The following SDC3 variants were observed in gnomAD, a reference collection of about 807,000 sequenced individuals.
SDC3 encodes the protein syndecan 3.
A neutral mutation model predicts 24.4 loss-of-function variants in SDC3; 13 were observed. That is an observed-to-expected ratio of 0.53 (90% CI 0.35 to 0.85). The LOEUF (loss-of-function observed/expected upper bound fraction) is 0.85. Ranked by LOEUF, SDC3 falls within the 40% of genes least tolerant of loss-of-function variation. SDC3 has a pLI of 0.01. For missense variants in SDC3, 571 were observed against 584.5 expected (o/e 0.98, Z 0.24); for synonymous variants, 295 against 260.9 (o/e 1.13, Z -1.26).
intron 2 of SDC3, 92 bp downstream of exon 2, chr1:30,878,531 A>G: frequency 9.9e-7 from 1 of 1,014,846 alleles, no homozygotes; most frequent in Non-Finnish European, 1.5e-6. Flanking sequence ...CCCCTGCCTC[A>G]CTGAAGCAAG....
intron 1 of SDC3, among the ~76,000 whole-genome samples, chr1:30,879,814 G>A (rs1166534899): frequency 1.3e-5 from 2 of 152,170 alleles, no homozygotes; most frequent in Non-Finnish European, 2.9e-5. Context: ...AAACAAGGGA[G>A]TCCCCAAGAT....
rs1464801933 is a variant in SDC3, at chr1:30,872,770, G to A, written c.*441C>T. 5.2e-6 allele frequency: 1 copy of A among 191,032 alleles called. No homozygotes were observed. Among genetic ancestry groups the A allele is most frequent in the Non-Finnish European group, 1.1e-5 (1 of 91,592 alleles). The allele number at this position is 191,032 out of a possible 1,614,324, so 11.8% of individuals were successfully genotyped here. A position where few individuals can be genotyped will look rare whatever the true frequency, so the allele number is the denominator to read the frequency against. ...GGTTGCAGTGTCTAGATGATTTCAAGGGCTGTGTTTACCAAATGTTTGTCC... is the reference window on the plus strand; with the variant it reads ...GGTTGCAGTGTCTAGATGATTTCAAAGGCTGTGTTTACCAAATGTTTGTCC... On this transcript the variant is annotated 3_prime_UTR_variant, in exon 5 of 5. Coordinates refer to ENST00000339394, the MANE Select transcript of SDC3 (RefSeq NM_014654.4).
intron 1 of SDC3, among the ~76,000 whole-genome samples, chr1:30,896,838 C>T (rs971502025): frequency 6.6e-6 from 1 of 152,160 alleles, no homozygotes; most frequent in Non-Finnish European, 1.5e-5. Context: ...TGGCATGGGC[C>T]TGTAGTTCCA....
chr1:30,908,599 G>T lies in SDC3; in HGVS notation c.-13C>A. 1.0e-6 allele frequency: 1 copy of T among 969,402 alleles called. No homozygotes were observed. Among genetic ancestry groups the T allele is most frequent in the South Asian group, 4.6e-5 (1 of 21,696 alleles). 60.1% of individuals were successfully genotyped at this position (969,402 alleles called of 1,614,324 possible). ...GCCCCGGCTTCATGGCGGCGGCGCG[G>T]GCGCGGGCGGCGGGCGGCGGGCGGG... On this transcript the variant is annotated 5_prime_UTR_variant, in exon 1 of 5. Coordinates refer to ENST00000339394, the MANE Select transcript of SDC3 (RefSeq NM_014654.4).
rs112767671 is a variant in SDC3 at position 30,879,248 on chromosome 1, C to A, written c.139-508G>T. Among the ~76,000 whole-genome samples the A allele has an allele frequency of 5.3e-3, 809 of 152,258 alleles. 6 individuals are homozygous for A. The highest frequency in any genetic ancestry group is 0.014 in the African/African-American group (583 of 41,538). ...CCTGTCTTCATATCCCCAGCCTCAA[C>A]CACCTGCTCCAGAGCCCTGCCCAGC... On this transcript the variant is annotated intron_variant, in intron 1 of 4. Transcript: ENST00000339394.
chr1:30,882,876 A>T (rs1557518041), intron 1 of SDC3, among the ~76,000 whole-genome samples: 1 of 152,034 alleles, frequency 6.6e-6, no homozygotes, highest in Non-Finnish European at 1.5e-5. Context: ...TAATCTCAGC[A>T]CCTCAGTTTT....
At chr1:30,893,119 T>C (rs1639930002) in intron 1 of SDC3, among the ~76,000 whole-genome samples, 1 of 151,896 alleles carries the variant, frequency 6.6e-6, no homozygotes, top group South Asian at 2.1e-4. Flanking sequence ...CCTGTAAACA[T>C]GGAAAGGCAA....
chr1:30,894,561 AGAGT>A (rs1273776366), intron 1 of SDC3, among the ~76,000 whole-genome samples: 6 of 113,808 alleles, frequency 5.3e-5, no homozygotes, highest in African/African-American at 2.2e-4. Context: ...TGTGTGGGTG[AGAGT>A]GTGTGGGTGT....
intron 1 of SDC3, among the ~76,000 whole-genome samples, chr1:30,891,850 C>CAAAA (rs11433428): frequency 1.7e-5 from 2 of 118,832 alleles, no homozygotes; most frequent in Non-Finnish European, 3.4e-5. Context: ...GAGACGCCGT[C>CAAAA]AAAAAAAAAA....
At chr1:30,883,287 C>G (rs184716874) in intron 1 of SDC3, among the ~76,000 whole-genome samples, 16 of 152,316 alleles carry the variant, frequency 1.1e-4, no homozygotes, top group African/African-American at 3.8e-4. Context: ...AGGAGCCCGG[C>G]ACCCCTGTGC....
rs11338317 is a variant in SDC3, at chr1:30,869,536, CAAAA to C, written c.*3671_*3674del. On this transcript the variant is annotated 3_prime_UTR_variant, in exon 5 of 5. Transcript: ENST00000339394. Reference sequence around the variant, plus strand: ...AGGAAGTGTTAAAAAAACAAACAAACAAAAAAAAAAAAAAAAAAAAAAAAACAAA... The same window carrying C: ...AGGAAGTGTTAAAAAAACAAACAAACAAAAAAAAAAAAAAAAAAAAACAAA... 45 of 348,140 alleles carry C rather than the reference CAAAA, an allele frequency of 1.3e-4. No individual in the cohort carries two copies. The highest frequency in any genetic ancestry group is 3.4e-4 in the African/African-American group (13 of 38,382). The allele number at this position is 348,140 out of a possible 1,614,324, so 21.6% of individuals were successfully genotyped here.
At chr1:30,885,425 C>A (rs1639813383) in intron 1 of SDC3, among the ~76,000 whole-genome samples, 1 of 152,188 alleles carries the variant, frequency 6.6e-6, no homozygotes, top group Non-Finnish European at 1.5e-5. Context: ...CTTCTCAGGA[C>A]CTTTCTGTAT....
intron 1 of SDC3, among the ~76,000 whole-genome samples, chr1:30,901,486 G>A (rs1325570565): frequency 2.0e-5 from 3 of 152,152 alleles, no homozygotes; most frequent in Non-Finnish European, 4.4e-5. Context: ...AGGAGTGGAA[G>A]GGCCTGAAGA....
intron 1 of SDC3, among the ~76,000 whole-genome samples, chr1:30,884,457 G>A (rs952657491): frequency 6.6e-6 from 1 of 152,082 alleles, no homozygotes; most frequent in African/African-American, 2.4e-5. Flanking sequence ...CCTCTGCAAA[G>A]ATATCATGGC....
In SDC3 at chr1:30,878,745, G is replaced by A. The variant is rs1422341911; in HGVS notation, c.139-5C>T. ...CTCACTGCGCCAGCGCTGGGCCTAGGGAAGGTAGAGGTGGACACAGGGCTC... is the reference window on the plus strand; with the variant it reads ...CTCACTGCGCCAGCGCTGGGCCTAGAGAAGGTAGAGGTGGACACAGGGCTC... On this transcript the variant is annotated splice_region_variant and splice_polypyrimidine_tract_variant and intron_variant, in intron 1 of 4. Coordinates refer to ENST00000339394, the MANE Select transcript of SDC3 (RefSeq NM_014654.4). 1.2e-6 allele frequency: 2 copies of A among 1,613,476 alleles called. No individual in the cohort carries two copies. The highest frequency in any genetic ancestry group is 1.1e-5 in the South Asian group (1 of 91,076).
upstream of SDC3, among the ~76,000 whole-genome samples, chr1:30,909,111 G>C (rs1413081964): frequency 6.6e-6 from 1 of 152,158 alleles, no homozygotes; most frequent in Non-Finnish European, 1.5e-5. Flanking sequence ...CGGAGGGGTC[G>C]CATGGGCGTT....
intron 1 of SDC3, among the ~76,000 whole-genome samples, chr1:30,902,269 G>A (rs1241076599): frequency 6.6e-6 from 1 of 152,232 alleles, no homozygotes; most frequent in Non-Finnish European, 1.5e-5. Context: ...CCCCACTGCT[G>A]GGCCCTCAGC....
intron 4 of SDC3, 131 bp downstream of exon 4, chr1:30,874,166 C>A: frequency 4.2e-6 from 3 of 717,846 alleles, no homozygotes; most frequent in Non-Finnish European, 2.3e-6. Context: ...CTCAAGTTTC[C>A]TTCCTATCTG....
At chr1:30,906,541 G>A (rs530141404) in intron 1 of SDC3, among the ~76,000 whole-genome samples, 6 of 152,246 alleles carry the variant, frequency 3.9e-5, no homozygotes, top group East Asian at 1.9e-4. Context: ...CCTGCCCAGC[G>A]CTCCACCTGG....
Sources: gnomAD v4.1 joint callset for allele counts (sites outside exome capture counted in the v4.1 genomes callset) on GRCh38, gnomAD v4.1.1 for gene constraint, MANE v1.5 for transcripts, NCBI Gene and HGNC (gene_info 2026-07-23, HGNC 2026-07-21) for gene names.